NAALADL2: variants seen among roughly 807,000 people sequenced by gnomAD.
NAALADL2 encodes the protein inactive N-acetylated-alpha-linked acidic dipeptidase-like protein 2.
Under a neutral mutation model 87.2 loss-of-function variants are expected in NAALADL2, and 76 were observed. That is an observed-to-expected ratio of 0.87 (90% CI 0.72 to 1.05). The LOEUF is 1.05. Among genes scored for constraint, NAALADL2 ranks in the 50% least tolerant of loss-of-function variants. The pLI is 0.00. For missense variants in NAALADL2, 1,089 were observed against 945.8 expected (o/e 1.15, Z -1.99); for synonymous variants, 354 against 331.0 (o/e 1.07, Z -0.75).
chr3:175,759,907 T>C (rs776483835), intron 13 of NAALADL2, among the ~76,000 whole-genome samples: 1 of 152,154 alleles, frequency 6.6e-6, no homozygotes, highest in Non-Finnish European at 1.5e-5. Flanking sequence ...GGTTTGGGCT[T>C]CATTTTTCAT....
At chr3:174,964,529 A>C (rs541972418) in intron 1 of NAALADL2, among the ~76,000 whole-genome samples, 1 of 152,128 alleles carries the variant, frequency 6.6e-6, no homozygotes, top group Non-Finnish European at 1.5e-5. Context: ...TGGACATTTC[A>C]ATATTTAGAG....
intron 9 of NAALADL2, among the ~76,000 whole-genome samples, chr3:175,484,104 T>C (rs1261199596): frequency 6.6e-6 from 1 of 152,108 alleles, no homozygotes; most frequent in African/African-American, 2.4e-5. Context: ...ACCATACAGA[T>C]AAATACCATT....
At chr3:174,661,293 A>G (rs1725478250) in intron 2 of NAALADL2, among the ~76,000 whole-genome samples, 1 of 152,182 alleles carries the variant, frequency 6.6e-6, no homozygotes, top group Non-Finnish European at 1.5e-5. Context: ...TACTGAACTC[A>G]TAACTGCTCA....
At chr3:174,935,230 G>A (rs539674264) in intron 1 of NAALADL2, among the ~76,000 whole-genome samples, 1 of 152,168 alleles carries the variant, frequency 6.6e-6, no homozygotes, top group East Asian at 1.9e-4. Flanking sequence ...TCCAATGTGT[G>A]GCTCTAAAAC....
At chr3:175,383,155 A>G (rs1201001143) in intron 5 of NAALADL2, among the ~76,000 whole-genome samples, 1 of 152,032 alleles carries the variant, frequency 6.6e-6, no homozygotes, top group Non-Finnish European at 1.5e-5. Context: ...TCATTACCTC[A>G]AGCGTTTATC....
chr3:175,164,918 T>G (rs1733766816), intron 2 of NAALADL2, among the ~76,000 whole-genome samples: 1 of 152,122 alleles, frequency 6.6e-6, no homozygotes, highest in African/African-American at 2.4e-5. Context: ...AAAGGAATTG[T>G]GGAGAAAGGC....
chr3:175,178,296 G>T (rs1029265101), intron 2 of NAALADL2, among the ~76,000 whole-genome samples: 1 of 151,930 alleles, frequency 6.6e-6, no homozygotes, highest in Non-Finnish European at 1.5e-5. Flanking sequence ...AATAAAAAAA[G>T]GGTACATATA....
intron 1 of NAALADL2, among the ~76,000 whole-genome samples, chr3:174,490,388 T>C (rs1718107218): frequency 6.6e-6 from 1 of 152,076 alleles, no homozygotes; most frequent in Non-Finnish European, 1.5e-5. Context: ...ATTGATTTCC[T>C]AGGGGAAGGA....
chr3:175,394,384 T>C (rs73186710), intron 5 of NAALADL2, among the ~76,000 whole-genome samples: 6,897 of 152,318 alleles, frequency 0.045, 227 homozygotes, highest in Non-Finnish European at 0.068. Context: ...TAGGCGATCA[T>C]ATTCTGGAGG....
At chr3:174,793,604 G>A (rs979865425) in intron 3 of NAALADL2, among the ~76,000 whole-genome samples, 4 of 151,998 alleles carry the variant, frequency 2.6e-5, no homozygotes, top group Admixed American at 2.6e-4. Flanking sequence ...CAAATCCTTG[G>A]CTGTGTCATC....
chr3:174,507,434 TAC>T (rs1719265504), intron 1 of NAALADL2, among the ~76,000 whole-genome samples: 1 of 152,188 alleles, frequency 6.6e-6, no homozygotes, highest in Non-Finnish European at 1.5e-5. Flanking sequence ...TACATTTCAA[TAC>T]AGTTTCTTCT....
At chr3:175,018,912 G>A (rs146025025) in intron 1 of NAALADL2, among the ~76,000 whole-genome samples, 68 of 152,044 alleles carry the variant, frequency 4.5e-4, no homozygotes, top group Middle Eastern at 3.4e-3. Context: ...GTATCTTCAC[G>A]GAAGCTTACT....
chr3:174,977,557 A>T (rs1427055023), intron 1 of NAALADL2, among the ~76,000 whole-genome samples: 1 of 152,196 alleles, frequency 6.6e-6, no homozygotes, highest in African/African-American at 2.4e-5. Context: ...AGTGCAGAGA[A>T]TTTCAGCTTG....
intron 11 of NAALADL2, among the ~76,000 whole-genome samples, chr3:175,661,872 C>T (rs1732307006): frequency 6.6e-6 from 1 of 151,904 alleles, no homozygotes; most frequent in South Asian, 2.1e-4. Flanking sequence ...TATGCCAGTA[C>T]CAACTTGTTT....
intron 2 of NAALADL2, among the ~76,000 whole-genome samples, chr3:174,692,534 G>A (rs1728672762): frequency 6.6e-6 from 1 of 152,052 alleles, no homozygotes; most frequent in South Asian, 2.1e-4. Context: ...ATTGGGATGA[G>A]AGTGCTGCTC....
chr3:175,597,710 C>T (rs1039215569), intron 10 of NAALADL2, among the ~76,000 whole-genome samples: 15 of 151,936 alleles, frequency 9.9e-5, no homozygotes, highest in African/African-American at 3.4e-4. Context: ...TTACCATTCT[C>T]CCCAAGTTGT....
intron 1 of NAALADL2, among the ~76,000 whole-genome samples, chr3:174,939,379 T>C (rs1337156318): frequency 6.6e-6 from 1 of 152,122 alleles, no homozygotes; most frequent in African/African-American, 2.4e-5. Flanking sequence ...CCTATTTTTA[T>C]ACCAGTGCCA....
chr3:174,791,801 G>A (rs557127908), intron 3 of NAALADL2, among the ~76,000 whole-genome samples: 2 of 152,214 alleles, frequency 1.3e-5, no homozygotes, highest in African/African-American at 2.4e-5. Flanking sequence ...CAGTAGCCTT[G>A]ATTACTGTAA....
intron 1 of NAALADL2, among the ~76,000 whole-genome samples, chr3:174,543,329 G>A (rs1283476547): frequency 6.6e-6 from 1 of 152,082 alleles, no homozygotes; most frequent in Non-Finnish European, 1.5e-5. Flanking sequence ...GGTAATGGGG[G>A]AGTGAATGAA....
Sources: gnomAD v4.1 joint callset for allele counts (sites outside exome capture counted in the v4.1 genomes callset) on GRCh38, gnomAD v4.1.1 for gene constraint, MANE v1.5 for transcripts, NCBI Gene and HGNC (gene_info 2026-07-23, HGNC 2026-07-21) for gene names.